The following FARSA variants were observed in gnomAD, a reference collection of about 807,000 sequenced individuals.
The protein encoded by FARSA is phenylalanyl-tRNA synthetase subunit alpha.
A neutral mutation model predicts 63.2 loss-of-function variants in FARSA; 37 were observed. That is an observed-to-expected ratio of 0.59 (90% confidence interval 0.45 to 0.77). The LOEUF (loss-of-function observed/expected upper bound fraction) is 0.77, where lower values mean the gene tolerates loss of function less well. Among genes scored for constraint, FARSA ranks in the 30% least tolerant of loss-of-function variants. The pLI is 0.00. For synonymous variants in FARSA, 312 were observed against 285.1 expected, an observed-to-expected ratio of 1.09 and a Z score of -0.95; for missense variants, 618 against 696.6, an observed-to-expected ratio of 0.89 and a Z score of 1.27.
chr19:12,931,824 G>A (rs1310760874), intron 1 of FARSA, among the ~76,000 whole-genome samples: 1 of 152,190 alleles, frequency 6.6e-6, no homozygotes, highest in African/African-American at 2.4e-5. Context: ...AGGGTAAGTA[G>A]AGTGCACAGG....
rs369553087 is a variant in FARSA, at chr19:12,928,451, G to C, written c.732C>G (p.Thr244=). 3.1e-6 allele frequency: 5 copies of C among 1,613,932 alleles called. No homozygotes were observed. In the African/African-American group the frequency reaches 5.3e-5, roughly 17 times the overall value. ...FRQIFLEMGF[T]EMPTDNFIES... is the part of the protein sequence containing the mutation. ...CAATGAAGTTATCAGTCGGCATCTC[G>C]GTGAACCTGGTGGGAGACACAGCCT... Residue 244 remains threonine, a synonymous_variant, in exon 7 of 13, where the codon ACC becomes ACG. Transcript: ENST00000314606.
intron 1 of FARSA, 109 bp from the exon 2 acceptor site, chr19:12,930,858 GTTCAC>G: frequency 1.5e-6 from 2 of 1,298,162 alleles, no homozygotes; most frequent in Non-Finnish European, 2.2e-6. Context: ...TTAAAGCTAG[GTTCAC>G]ATCCCAGCTA....
In FARSA at chr19:12,924,934, G is replaced by A. The variant is rs763339832; in HGVS notation, c.996C>T (p.Ser332=). ...NLLRTHTTSA[S]ARALYRLAQK... ...GGGCAAGGCGGTAGAGCGCACGGGC[G>A]CTGGCTGATGTGGTGTGGGTTCGCA... Residue 332 remains serine, a synonymous_variant, in exon 9 of 13, where the codon AGC becomes AGT. Transcript: ENST00000314606. The surrounding 1 kb of genome is among the most constrained non-coding windows in gnomAD (Gnocchi z 6.4). The A allele has an allele frequency of 1.2e-5, 19 of 1,614,114 alleles. No homozygotes were observed. Among genetic ancestry groups the A allele is most frequent in the Admixed American group, 6.7e-5 (4 of 60,008 alleles).
In FARSA at chr19:12,930,643, G is replaced by A; in HGVS notation, c.254C>T (p.Pro85Leu). Reference sequence around the variant, plus strand: ...CTCGCTCTGGGCCAGGCCCTCTGGGGGAATGCTTCGAAACACACGGGCCTC... The same window carrying A: ...CTCGCTCTGGGCCAGGCCCTCTGGGAGAATGCTTCGAAACACACGGGCCTC... ...SHEARVFRSI[P>L]PEGLAQSELM... Residue 85 changes from proline (P) to leucine (L), a missense_variant, in exon 2 of 13, where the codon CCC (proline) becomes CTC (leucine). Transcript: ENST00000314606. 6.2e-7 allele frequency: 1 copy of A among 1,613,344 alleles called. No individual in the cohort carries two copies. Among genetic ancestry groups the A allele is most frequent in the Non-Finnish European group, 8.5e-7 (1 of 1,179,532 alleles).
At chr19:12,931,415 C>G (rs985332103) in intron 1 of FARSA, among the ~76,000 whole-genome samples, 9 of 152,162 alleles carry the variant, frequency 5.9e-5, no homozygotes, top group South Asian at 2.1e-4. Context: ...AGGTGCCCAC[C>G]ACCACCCCCA....
In FARSA at chr19:12,930,480, C is replaced by T. The variant is rs752387324; in HGVS notation, c.333G>A (p.Lys111=). 3.1e-6 allele frequency: 5 copies of T among 1,614,232 alleles called. No homozygotes were observed. The highest frequency in any genetic ancestry group is 3.4e-6 in the Non-Finnish European group (4 of 1,180,038). Residue 111 remains lysine, a synonymous_variant, in exon 3 of 13, where the codon AAG becomes AAA. Coordinates refer to ENST00000314606, the MANE Select transcript of FARSA (RefSeq NM_004461.3). The part of the protein sequence containing the change: ...KVGFSKAMSN[K]WIRVDKSAAD... ...CCGCACTCTTGTCCACCCGAATCCA[C>T]TTGTTGGACATGGCCTTGCTGAAGC...
intron 8 of FARSA, 37 bp downstream of exon 8, chr19:12,925,053 C>G: frequency 1.2e-6 from 2 of 1,612,636 alleles, no homozygotes; most frequent in Non-Finnish European, 1.7e-6. Context: ...GGGTCCCCAG[C>G]CTCCTTCCCT....
intron 7 of FARSA, among the ~76,000 whole-genome samples, chr19:12,927,309 A>G (rs2145996786): frequency 1.3e-5 from 2 of 152,300 alleles, no homozygotes; most frequent in Middle Eastern, 3.4e-3. Flanking sequence ...CAAAGAAGAC[A>G]TGGGGGCAGG....
chr19:12,933,578 G>A lies in FARSA; in HGVS notation c.119C>T (p.Ala40Val). 6.5e-7 allele frequency: 1 copy of A among 1,548,328 alleles called. No homozygotes were observed. The highest frequency in any genetic ancestry group is 8.7e-7 in the Non-Finnish European group (1 of 1,151,600). The change falls in exon 1 of 13, where the codon GCC (alanine) becomes GTC (valine). Residue 40 changes from alanine to valine, a missense_variant. Physicochemically the swap from Ala to Val is moderately conservative, Grantham distance 64. Coordinates refer to ENST00000314606, the MANE Select transcript of FARSA (RefSeq NM_004461.3). ...LGMEHQAVVG[A>V]VKSLQALGEV... ...GCCCAGCGCCTGAAGGCTCTTCACGGCGCCCACCACCGCCTGGTGCTCCAT... is the reference window on the plus strand; with the variant it reads ...GCCCAGCGCCTGAAGGCTCTTCACGACGCCCACCACCGCCTGGTGCTCCAT...
chr19:12,922,627 A>T lies in FARSA; in HGVS notation c.*121T>A. 1 of 1,278,490 alleles carries T rather than the reference A, an allele frequency of 7.8e-7. No individual in the cohort carries two copies. Among genetic ancestry groups the T allele is most frequent in the Non-Finnish European group, 1.1e-6 (1 of 922,062 alleles). 79.2% of individuals were successfully genotyped at this position (1,278,490 alleles called of 1,614,324 possible). On this transcript the variant is annotated 3_prime_UTR_variant, in exon 13 of 13. Coordinates refer to ENST00000314606, the MANE Select transcript of FARSA (RefSeq NM_004461.3). ...GGATTCTGGTCCTGGGACAGGTGGG[A>T]AAGAGGAAGGTGGGGGCTGGCCTCA...
chr19:12,930,858 G>A lies in FARSA; in HGVS notation c.148-109C>T, dbSNP rs1230798244. 6 of 1,298,044 alleles carry A rather than the reference G, an allele frequency of 4.6e-6. No individual in the cohort carries two copies. In the African/African-American group the frequency reaches 7.3e-5, roughly 16 times the overall value. 80.4% of individuals were successfully genotyped at this position (1,298,044 alleles called of 1,614,324 possible). On this transcript the variant is annotated intron_variant, in intron 1 of 12. Transcript: ENST00000314606. ...TTGAAAGCACAGCCCTTAAAGCTAG[G>A]TTCACATCCCAGCTATACAACTTTA...
At position 12,930,443 on chromosome 19, in the gene FARSA, G is replaced by A. The variant is rs989308549; in HGVS notation, c.370C>T (p.Arg124Trp). The change falls in exon 3 of 13, where the codon CGG (arginine) becomes TGG (tryptophan). Residue 124 changes from arginine (R) to tryptophan (W), a missense_variant. Physicochemically the swap from Arg to Trp is moderately radical, Grantham distance 101. Transcript: ENST00000314606. ...RVDKSAADGP[R>W]VFRVVDSMED... ...CAGGAACGCACCACTCGGAACACCCGGGGCCCGTCAGCCGCACTCTTGTCC... is the reference window on the plus strand; with the variant it reads ...CAGGAACGCACCACTCGGAACACCCAGGGCCCGTCAGCCGCACTCTTGTCC... 19 of 1,614,026 alleles carry A rather than the reference G, an allele frequency of 1.2e-5. No individual in the cohort carries two copies. The highest frequency in any genetic ancestry group is 2.7e-5 in the African/African-American group (2 of 75,052).
In FARSA at chr19:12,922,926, C is replaced by T. The variant is rs368446339; in HGVS notation, c.1389-40G>A. 788 of 1,613,164 alleles carry T rather than the reference C, an allele frequency of 4.9e-4. 1 individual carries two copies. The highest frequency in any genetic ancestry group is 5.4e-4 in the Non-Finnish European group (640 of 1,179,680). ...AACAGAGTTTATCATGAGGTCAGCA[C>T]GTGCACCCTTCTGCTCAGATTTCCA... On this transcript the variant is annotated intron_variant, in intron 12 of 12. Coordinates refer to ENST00000314606, the MANE Select transcript of FARSA (RefSeq NM_004461.3).
Position 12,924,972 on chromosome 19 carries a change from G to A in FARSA, c.958C>T (p.Arg320Trp), listed in dbSNP as rs752638663. 3.0e-5 allele frequency: 49 copies of A among 1,614,180 alleles called. No individual in the cohort carries two copies. The highest frequency in any genetic ancestry group is 2.2e-4 in the East Asian group (10 of 44,876). The change falls in exon 9 of 13, where the codon CGG (arginine) becomes TGG (tryptophan). Residue 320 changes from arginine (R) to tryptophan (W), a missense_variant. Arg to Trp is a moderately radical substitution (Grantham distance 101). Coordinates refer to ENST00000314606, the MANE Select transcript of FARSA (RefSeq NM_004461.3). This position sits in a 1 kb window ranked among gnomAD's most constrained non-coding sequence, Gnocchi z 6.4. ...YKYNWKLDEARKNLLRTHTTS... is the reference protein window; with the variant it reads ...YKYNWKLDEAWKNLLRTHTTS... ...GTGTGGGTTCGCAGTAGGTTTTTCCGGGCCTCGTCCAGCTTCCAGTTATAC... is the reference window on the plus strand; with the variant it reads ...GTGTGGGTTCGCAGTAGGTTTTTCCAGGCCTCGTCCAGCTTCCAGTTATAC...
chr19:12,923,274 C>T (rs529296936), intron 12 of FARSA, among the ~76,000 whole-genome samples: 2 of 152,178 alleles, frequency 1.3e-5, no homozygotes, highest in South Asian at 4.1e-4. Flanking sequence ...TGCCCTGGTA[C>T]ACACTTCTGT....
chr19:12,922,852 G>A lies in FARSA; in HGVS notation c.1423C>T (p.Arg475Trp), dbSNP rs373657447. 54 of 1,613,978 alleles carry A rather than the reference G, an allele frequency of 3.3e-5. No individual in the cohort carries two copies. In the East Asian group the frequency reaches 4.9e-4, roughly 15 times the overall value. Residue 475 changes from arginine (R) to tryptophan (W), a missense_variant, in exon 13 of 13, where the codon CGG becomes TGG. Arg to Trp is a moderately radical substitution (Grantham distance 101, BLOSUM62 -3). Transcript: ENST00000314606. ...TTCACCTTGTGGCCCACCAGCTCCC[G>A]GATATTGTTGATGCCATATTTGATC... ...TMIKYGINNI[R>W]ELVGHKVNLQ...
At chr19:12,923,821 C>T (rs1256341674) in intron 12 of FARSA, among the ~76,000 whole-genome samples, 1 of 152,154 alleles carries the variant, frequency 6.6e-6, no homozygotes, top group Non-Finnish European at 1.5e-5. Context: ...CTCTATTGCC[C>T]AGGCTGATCT....
chr19:12,927,368 G>A (rs1971338247), intron 7 of FARSA, among the ~76,000 whole-genome samples: 1 of 152,216 alleles, frequency 6.6e-6, no homozygotes, highest in Non-Finnish European at 1.5e-5. Context: ...GGGAGGCTGA[G>A]GCAAAACTGT....
intron 4 of FARSA, among the ~76,000 whole-genome samples, chr19:12,929,769 G>A (rs1971369137): frequency 6.6e-6 from 1 of 152,190 alleles, no homozygotes; most frequent in African/African-American, 2.4e-5. Flanking sequence ...CTGCCACTCT[G>A]TGTCTGCTCA....
Sources: gnomAD v4.1 joint callset for allele counts (sites outside exome capture counted in the v4.1 genomes callset) on GRCh38, gnomAD v4.1.1 for gene constraint, Gnocchi (gnomAD v3.1) non-coding constraint, MANE v1.5 for transcripts, NCBI Gene and HGNC (gene_info 2026-07-23, HGNC 2026-07-21) for gene names.